Variants in TRAF3IP2 observed in about 807,000 individuals in gnomAD.
TRAF3IP2 encodes the protein E3 ubiquitin ligase TRAF3IP2.
A neutral mutation model predicts 57.9 loss-of-function variants in TRAF3IP2; 35 were observed. The observed-to-expected ratio is 0.60, with a 90% CI of 0.46 to 0.80. The LOEUF (loss-of-function observed/expected upper bound fraction) is 0.80. Ranked by LOEUF, TRAF3IP2 falls within the 30% of genes least tolerant of loss-of-function variation. TRAF3IP2 has a pLI of 0.00. For synonymous variants in TRAF3IP2, 251 were observed against 268.9 expected (o/e 0.93, Z 0.65); for missense variants, 556 against 706.4 (o/e 0.79, Z 2.41).
At chr6:111,574,032 T>C (rs1214661928) in intron 4 of TRAF3IP2, 1 of 152,222 alleles carries the variant, frequency 6.6e-6, no homozygotes, top group African/African-American at 2.4e-5. Flanking sequence ...TGTTACGTAT[T>C]TGAGGACTTC....
intron 5 of TRAF3IP2, 123 bp downstream of exon 5, chr6:111,572,772 A>G: frequency 1.3e-6 from 1 of 772,734 alleles, no homozygotes; most frequent in South Asian, 1.6e-5. Flanking sequence ...TTCAATGCAT[A>G]ATCACATAAA....
chr6:111,595,049 T>C (rs1796637841), intron 1 of TRAF3IP2, among the ~76,000 whole-genome samples: 1 of 152,162 alleles, frequency 6.6e-6, no homozygotes, highest in East Asian at 1.9e-4. Flanking sequence ...CTGGCCAACA[T>C]GGTGAAACCC....
At chr6:111,585,396 C>T (rs1466273523) in intron 2 of TRAF3IP2, among the ~76,000 whole-genome samples, 1 of 151,686 alleles carries the variant, frequency 6.6e-6, no homozygotes, top group African/African-American at 2.4e-5. Flanking sequence ...ATGATTAAGG[C>T]TCACTCCTTT....
intron 2 of TRAF3IP2, among the ~76,000 whole-genome samples, chr6:111,590,779 C>T (rs1306825497): frequency 1.3e-5 from 2 of 152,010 alleles, no homozygotes; most frequent in South Asian, 2.1e-4. Context: ...TGTAATGGCC[C>T]GAATCCCAGA....
chr6:111,580,255 C>T lies in TRAF3IP2; in HGVS notation c.964G>A (p.Asp322Asn). 6.2e-7 allele frequency: 1 copy of T among 1,613,236 alleles called. No homozygotes were observed. Among genetic ancestry groups the T allele is most frequent in the East Asian group, 2.2e-5 (1 of 44,858 alleles). ...CTCTGTGCGGGCCTCTCTTCGTGGT[C>T]CCAGGGGCTGGGATAATTCAGGATA... ...KVILNYPSPW[D>N]HEERPAQRDC... Residue 322 changes from aspartate (D) to asparagine (N), a missense_variant, in exon 3 of 9, where the codon GAC becomes AAC. This residue lies in a region of TRAF3IP2 where 428 missense variants were observed against 498.7 expected (regional missense o/e 0.86). Coordinates refer to ENST00000368761, the MANE Select transcript of TRAF3IP2 (RefSeq NM_147686.4).
chr6:111,572,675 G>A, intron 5 of TRAF3IP2: 1 of 544,474 alleles, frequency 1.8e-6, no homozygotes, highest in Admixed American at 3.1e-5. Flanking sequence ...GAGGTACTTG[G>A]GGTCACTCAA....
intron 1 of TRAF3IP2, among the ~76,000 whole-genome samples, chr6:111,599,483 G>A (rs1438255897): frequency 2.0e-5 from 3 of 152,118 alleles, no homozygotes; most frequent in Non-Finnish European, 2.9e-5. Flanking sequence ...ATGTGACAAT[G>A]CTCCCTTGGT....
chr6:111,603,088 A>ACACACACACACACACACACAAGGTGTG (rs1226619482), intron 1 of TRAF3IP2, among the ~76,000 whole-genome samples: 8 of 30,892 alleles, frequency 2.6e-4, no homozygotes, highest in Non-Finnish European at 6.1e-4. Context: ...AGGTGTGCAC[A>ACACACACACACACACACACAAGGTGTG]CACACACACA....
rs1161017384 is a variant in TRAF3IP2 at position 111,591,993 on chromosome 6, A to G, written c.94T>C (p.Ser32Pro). The G allele has an allele frequency of 6.2e-7, 1 of 1,614,152 alleles. No homozygotes were observed. The highest frequency in any genetic ancestry group is 2.2e-5 in the East Asian group (1 of 44,884). ...PIPEYSPEEE[S>P]EPPAPNIRNM... ...CTTATATTTGGAGCAGGTGGTTCTG[A>G]TTCCTCTTCCGGGGAATATTCTGGG... The change falls in exon 2 of 9, where the codon TCA (serine) becomes CCA (proline). Residue 32 changes from serine (S) to proline (P), a missense_variant. Physicochemically the swap from Ser to Pro is moderately conservative, Grantham distance 74. This residue lies in a region of TRAF3IP2 where 428 missense variants were observed against 498.7 expected (regional missense o/e 0.86). Coordinates refer to ENST00000368761, the MANE Select transcript of TRAF3IP2 (RefSeq NM_147686.4). The surrounding 1 kb of genome is among the most constrained non-coding windows in gnomAD (Gnocchi z 4.9).
At position 111,556,042 on chromosome 6, in the gene TRAF3IP2, G is replaced by T. The variant is rs1243063901; in HGVS notation, c.*3363C>A. 6.6e-6 allele frequency among the ~76,000 whole-genome samples: 1 copy of T among 150,788 alleles called. No homozygotes were observed. Among genetic ancestry groups the T allele is most frequent in the East Asian group, 1.9e-4 (1 of 5,142 alleles). On this transcript the variant is annotated 3_prime_UTR_variant, in exon 9 of 9. Coordinates refer to ENST00000368761, the MANE Select transcript of TRAF3IP2 (RefSeq NM_147686.4). ...CGCTTGAACCCGGGAGGTGGAGGTT[G>T]CAGTGAGCTGTGATTGCACCACTGC...
At chr6:111,588,017 C>T (rs180994236) in intron 2 of TRAF3IP2, among the ~76,000 whole-genome samples, 6 of 152,282 alleles carry the variant, frequency 3.9e-5, no homozygotes, top group African/African-American at 1.4e-4. Context: ...GTGAAATTGC[C>T]TTCTGGGAGA....
chr6:111,573,949 T>TA (rs1795904901), intron 4 of TRAF3IP2: 1 of 152,214 alleles, frequency 6.6e-6, no homozygotes, highest in Non-Finnish European at 1.5e-5. Context: ...ATAATGGTCA[T>TA]ATTAACTCAC....
chr6:111,595,610 G>T (rs183293027), intron 1 of TRAF3IP2, among the ~76,000 whole-genome samples: 1 of 151,964 alleles, frequency 6.6e-6, no homozygotes, highest in Non-Finnish European at 1.5e-5. Flanking sequence ...CGGGCAGATC[G>T]CAAAGTCAGG....
chr6:111,576,923 T>C (rs1343563936), intron 3 of TRAF3IP2: 2 of 152,178 alleles, frequency 1.3e-5, no homozygotes, highest in Non-Finnish European at 2.9e-5. Flanking sequence ...TTTTTGTAGA[T>C]TGTTGCTTAC....
At chr6:111,602,978 C>A (rs949047652) in intron 1 of TRAF3IP2, among the ~76,000 whole-genome samples, 4 of 152,112 alleles carry the variant, frequency 2.6e-5, no homozygotes, top group Admixed American at 2.6e-4. Context: ...GGGAACCAAG[C>A]CAAACCAGCA....
chr6:111,604,763 T>C (rs1445119069), intron 1 of TRAF3IP2, among the ~76,000 whole-genome samples: 2 of 152,132 alleles, frequency 1.3e-5, no homozygotes, highest in African/African-American at 2.4e-5. Flanking sequence ...TAGAAAAATA[T>C]CAGGAAACAA....
At position 111,556,795 on chromosome 6, in the gene TRAF3IP2, A is replaced by AGTT. The variant is rs1795254450; in HGVS notation, c.*2607_*2609dup. ...TGCATTAGCAATGTTTCTTATTTAT[A>AGTT]GTTGACAAGTATTTGTCCTTTCCCT... On this transcript the variant is annotated 3_prime_UTR_variant, in exon 9 of 9. Coordinates refer to ENST00000368761, the MANE Select transcript of TRAF3IP2 (RefSeq NM_147686.4). 2 of 152,204 alleles carry AGTT rather than the reference A, an allele frequency of 1.3e-5. No homozygotes were observed. Among genetic ancestry groups the AGTT allele is most frequent in the Non-Finnish European group, 2.9e-5 (2 of 68,038 alleles). 9.4% of individuals were successfully genotyped at this position (152,204 alleles called of 1,614,324 possible).
At chr6:111,597,904 G>A (rs937905524) in intron 1 of TRAF3IP2, 9 of 455,812 alleles carry the variant, frequency 2.0e-5, no homozygotes, top group African/African-American at 1.0e-4. Flanking sequence ...CCAGAGGGCG[G>A]TGCCTGGATT....
Position 111,572,875 on chromosome 6 carries a change from TATTTGGACAAA to T in TRAF3IP2, c.1290+9_1290+19del. 1 of 1,596,476 alleles carries T rather than the reference TATTTGGACAAA, an allele frequency of 6.3e-7. No individual in the cohort carries two copies. Among genetic ancestry groups the T allele is most frequent in the East Asian group, 2.2e-5 (1 of 44,778 alleles). ...TACTCACTATAACTGTTCAGTTATC[TATTTGGACAAA>T]ATACTTACTGCAGTTTGGAAGCCAT... On this transcript the variant is annotated intron_variant, in intron 5 of 8. Transcript: ENST00000368761.
Sources: allele counts gnomAD v4.1 joint callset (sites outside exome capture counted in the v4.1 genomes callset), GRCh38; gene constraint gnomAD v4.1.1; regional missense constraint gnomAD v4.1.1; non-coding constraint Gnocchi (gnomAD v3.1); transcripts MANE v1.5; gene names NCBI Gene and HGNC (gene_info 2026-07-23, HGNC 2026-07-21).